The following SLC35F1 variants were observed in gnomAD, a reference collection of about 807,000 sequenced individuals.
SLC35F1 encodes the protein chromosome 6 open reading frame 169.
In SLC35F1, 14 loss-of-function variants were observed where a neutral mutation model predicts 48.7. The ratio of observed to expected loss-of-function variants is 0.29; its 90% CI spans 0.19 to 0.45. The LOEUF (loss-of-function observed/expected upper bound fraction) is 0.45. Among genes scored for constraint, SLC35F1 ranks in the 20% least tolerant of loss-of-function variants. The pLI, the probability that SLC35F1 is intolerant of heterozygous loss-of-function variation, is 1.00. For synonymous variants in SLC35F1, 190 were observed against 202.2 expected (o/e 0.94, Z 0.51); for missense variants, 404 against 500.0 (o/e 0.81, Z 1.83).
At chr6:118,304,661 A>G (rs1039394938) in intron 7 of SLC35F1, among the ~76,000 whole-genome samples, 7 of 152,216 alleles carry the variant, frequency 4.6e-5, no homozygotes, top group African/African-American at 1.7e-4. Context: ...ATGTAAGGAT[A>G]ACAATCACTG....
At chr6:118,172,970 A>G (rs1015319342) in intron 2 of SLC35F1, among the ~76,000 whole-genome samples, 2 of 152,164 alleles carry the variant, frequency 1.3e-5, no homozygotes, top group African/African-American at 4.8e-5. Context: ...AGAAAGAAAT[A>G]GTGCACAGTG....
intron 2 of SLC35F1, among the ~76,000 whole-genome samples, chr6:118,202,457 A>G (rs1774884078): frequency 6.6e-6 from 1 of 152,216 alleles, no homozygotes; most frequent in South Asian, 2.1e-4. Context: ...TGTTTGCACC[A>G]CTGCATTCCA....
intron 1 of SLC35F1, among the ~76,000 whole-genome samples, chr6:118,142,006 T>A (rs1053840747): frequency 4.6e-5 from 7 of 152,218 alleles, no homozygotes; most frequent in Non-Finnish European, 1.0e-4. Context: ...TTTTTAGTTT[T>A]ATCCTTGGCA....
At chr6:118,144,627 C>G (rs912622070) in intron 1 of SLC35F1, among the ~76,000 whole-genome samples, 1 of 146,584 alleles carries the variant, frequency 6.8e-6, no homozygotes, top group Non-Finnish European at 1.5e-5. Flanking sequence ...AAAAAAAAAA[C>G]CTTACCTTGT....
At chr6:118,189,162 C>T (rs1176548291) in intron 2 of SLC35F1, among the ~76,000 whole-genome samples, 2 of 152,142 alleles carry the variant, frequency 1.3e-5, no homozygotes, top group East Asian at 1.9e-4. Context: ...CCTCCTGCCT[C>T]GGCCTCCTAG....
chr6:118,306,058 A>G (rs1202885632), intron 7 of SLC35F1, among the ~76,000 whole-genome samples: 1 of 152,152 alleles, frequency 6.6e-6, no homozygotes, highest in African/African-American at 2.4e-5. Context: ...GCTCTTCCTT[A>G]CTTCCCTGGT....
chr6:118,075,488 C>T (rs1353610967), intron 1 of SLC35F1, among the ~76,000 whole-genome samples: 2 of 152,194 alleles, frequency 1.3e-5, no homozygotes, highest in African/African-American at 4.8e-5. Flanking sequence ...CCAATATGTA[C>T]TGGAAGCCTA....
chr6:118,155,794 C>T (rs951022024), intron 2 of SLC35F1, among the ~76,000 whole-genome samples: 2 of 152,064 alleles, frequency 1.3e-5, no homozygotes, highest in East Asian at 3.9e-4. Context: ...CCATTATATA[C>T]ATTAATAATA....
intron 1 of SLC35F1, among the ~76,000 whole-genome samples, chr6:118,115,219 C>G (rs1773460720): frequency 1.3e-5 from 2 of 152,128 alleles, no homozygotes; most frequent in African/African-American, 4.8e-5. Context: ...TAACCATCAA[C>G]TATCTGCAGC....
chr6:118,194,235 A>C (rs190702951), intron 2 of SLC35F1, among the ~76,000 whole-genome samples: 383 of 152,298 alleles, frequency 2.5e-3, no homozygotes, highest in Non-Finnish European at 4.0e-3. Context: ...AAAATCTAGA[A>C]TCTTCAAAGG....
At chr6:118,105,005 C>A (rs927495165) in intron 1 of SLC35F1, among the ~76,000 whole-genome samples, 8 of 152,168 alleles carry the variant, frequency 5.3e-5, no homozygotes, top group Non-Finnish European at 4.4e-5. Flanking sequence ...TAAAGCCTTC[C>A]CTGTACTGCA....
chr6:117,919,069 AT>A (rs1051052042), intron 1 of SLC35F1, among the ~76,000 whole-genome samples: 1 of 150,708 alleles, frequency 6.6e-6, no homozygotes, highest in Non-Finnish European at 1.5e-5. Context: ...CTAATTTTTA[AT>A]TTTTTTTTGT....
intron 1 of SLC35F1, among the ~76,000 whole-genome samples, chr6:118,039,022 A>C (rs1772173352): frequency 6.6e-6 from 1 of 152,200 alleles, no homozygotes; most frequent in Non-Finnish European, 1.5e-5. Context: ...AACATCAGGT[A>C]ATATTGCTGA....
At chr6:117,952,571 C>T (rs1776375683) in intron 1 of SLC35F1, among the ~76,000 whole-genome samples, 1 of 152,122 alleles carries the variant, frequency 6.6e-6, no homozygotes, top group South Asian at 2.1e-4. Context: ...ATTTGGCTGC[C>T]TTTGAAGCAG....
chr6:118,105,813 C>T (rs911162914), intron 1 of SLC35F1, among the ~76,000 whole-genome samples: 4 of 152,110 alleles, frequency 2.6e-5, no homozygotes, highest in African/African-American at 9.7e-5. Context: ...TGACCTTATC[C>T]ACTATCATAC....
At chr6:118,050,714 A>AAG (rs1772376640) in intron 1 of SLC35F1, among the ~76,000 whole-genome samples, 2 of 152,188 alleles carry the variant, frequency 1.3e-5, no homozygotes, top group African/African-American at 4.8e-5. Context: ...GCAGAAGCTG[A>AAG]AGAGGAAGGT....
chr6:118,020,956 AAATAT>A (rs1174799447), intron 1 of SLC35F1, among the ~76,000 whole-genome samples: 7 of 152,196 alleles, frequency 4.6e-5, no homozygotes, highest in Admixed American at 2.6e-4. Context: ...GGGTCCTTGA[AAATAT>A]AATAGAATGT....
At chr6:117,923,833 A>G (rs1261885894) in intron 1 of SLC35F1, among the ~76,000 whole-genome samples, 3 of 142,216 alleles carry the variant, frequency 2.1e-5, no homozygotes, top group South Asian at 4.2e-4. Context: ...ATATACATAT[A>G]CACATTACAT....
At chr6:118,061,688 A>T (rs946552106) in intron 1 of SLC35F1, among the ~76,000 whole-genome samples, 4 of 151,768 alleles carry the variant, frequency 2.6e-5, no homozygotes, top group African/African-American at 9.7e-5. Context: ...GCAGTCCCCA[A>T]CCTTTGTGGC....
Sources: gnomAD v4.1 joint callset for allele counts (sites outside exome capture counted in the v4.1 genomes callset) on GRCh38, gnomAD v4.1.1 for gene constraint, MANE v1.5 for transcripts, NCBI Gene and HGNC (gene_info 2026-07-23, HGNC 2026-07-21) for gene names.